Variants in LPIN2 observed in about 807,000 individuals in gnomAD.
LPIN2 encodes lipin 2.
Under a neutral mutation model 111.4 loss-of-function variants are expected in LPIN2, and 55 were observed. The observed-to-expected ratio is 0.49, with a 90% CI of 0.40 to 0.62. LPIN2 has a LOEUF of 0.62. LPIN2 is among the 20% of genes least tolerant of loss of function. LPIN2 has a pLI of 0.00. For synonymous variants in LPIN2, 425 were observed against 414.0 expected, an observed-to-expected ratio of 1.03 and a Z score of -0.32; for missense variants, 992 against 1,112.1, an observed-to-expected ratio of 0.89 and a Z score of 1.54.
chr18:3,011,986 A>G (rs1354876043), intron 1 of LPIN2: 1 of 152,282 alleles, frequency 6.6e-6, no homozygotes, highest in Non-Finnish European at 1.5e-5. Context: ...CCAGACCGTT[A>G]AAACATAAAC....
intron 3 of LPIN2, 86 bp from the exon 4 acceptor site, chr18:2,951,442 AC>A: frequency 9.1e-7 from 1 of 1,104,194 alleles, no homozygotes; most frequent in Non-Finnish European, 1.2e-6. Context: ...ATAAATTTTC[AC>A]CATGGTAAAA....
intron 1 of LPIN2, among the ~76,000 whole-genome samples, chr18:2,992,245 A>C (rs1039472839): frequency 1.3e-5 from 2 of 152,242 alleles, no homozygotes; most frequent in Non-Finnish European, 2.9e-5. Context: ...CATGAAAACA[A>C]GTGAAGTTCT....
At chr18:2,945,975 C>T (rs967419191) in intron 4 of LPIN2, 12 of 1,403,662 alleles carry the variant, frequency 8.5e-6, no homozygotes, top group African/African-American at 1.4e-5. Context: ...TCCAGTATTT[C>T]GTCCCCTCAT....
At chr18:2,942,163 G>C (rs1320561912) in intron 4 of LPIN2, among the ~76,000 whole-genome samples, 1 of 152,144 alleles carries the variant, frequency 6.6e-6, no homozygotes, top group Non-Finnish European at 1.5e-5. Context: ...ACATGTAATA[G>C]TTTTTCCACA....
intron 1 of LPIN2, among the ~76,000 whole-genome samples, chr18:2,963,307 TA>T (rs2077741688): frequency 6.6e-6 from 1 of 152,124 alleles, no homozygotes; most frequent in South Asian, 2.1e-4. Flanking sequence ...AGGGATATGT[TA>T]AACAGCCTGC....
chr18:2,929,144 G>A lies in LPIN2; in HGVS notation c.1471C>T (p.His491Tyr). Residue 491 changes from histidine to tyrosine, a missense_variant, in exon 10 of 20, where the codon CAT becomes TAT. Physicochemically the swap from His to Tyr is moderately conservative, Grantham distance 83 (BLOSUM62 2). Around this residue, in one of 4 missense-constraint regions of LPIN2, gnomAD observed 709 missense variants for 753.2 expected, o/e 0.94. Coordinates refer to ENST00000677752, the MANE Select transcript of LPIN2 (RefSeq NM_001375808.2). ...GEISKEKFME[H>Y]IITYHEFAEN... ...GCAAATTCGTGATAAGTAATGATAT[G>A]CTCCATGAATTTTTCTGCAATGTAA... 2 of 1,601,780 alleles carry A rather than the reference G, an allele frequency of 1.2e-6. No individual in the cohort carries two copies. Among genetic ancestry groups the A allele is most frequent in the Non-Finnish European group, 1.7e-6 (2 of 1,169,118 alleles).
intron 1 of LPIN2, among the ~76,000 whole-genome samples, chr18:2,986,547 T>TGGG (rs10692682): frequency 1.5e-5 from 2 of 135,044 alleles, no homozygotes; most frequent in Non-Finnish European, 3.1e-5. Flanking sequence ...TTTTTTAATG[T>TGGG]AAAAAAAAAA....
intron 1 of LPIN2, among the ~76,000 whole-genome samples, chr18:2,983,741 A>G (rs1307972538): frequency 6.6e-6 from 1 of 152,230 alleles, no homozygotes; most frequent in Admixed American, 6.5e-5. Flanking sequence ...ACATGTTTAA[A>G]GGATATTTTG....
chr18:2,991,292 T>C (rs959242652), intron 1 of LPIN2, among the ~76,000 whole-genome samples: 4 of 152,126 alleles, frequency 2.6e-5, no homozygotes, highest in African/African-American at 9.7e-5. Context: ...GAAAATAAAA[T>C]TGTCAACTTT....
chr18:2,983,161 T>C (rs944122745), intron 1 of LPIN2, among the ~76,000 whole-genome samples: 3 of 152,156 alleles, frequency 2.0e-5, no homozygotes, highest in Non-Finnish European at 2.9e-5. Flanking sequence ...ACTACACATA[T>C]GGAGAGTGAT....
At chr18:2,952,373 G>A (rs556335589) in intron 3 of LPIN2, among the ~76,000 whole-genome samples, 20 of 152,256 alleles carry the variant, frequency 1.3e-4, no homozygotes, top group African/African-American at 3.9e-4. Flanking sequence ...GTAGTGAGCC[G>A]AGATCATGCC....
At position 3,010,145 on chromosome 18, in the gene LPIN2, A is replaced by G. The variant is rs532432235; in HGVS notation, c.-10+2942T>C. On this transcript the variant is annotated intron_variant, in intron 1 of 19. Transcript: ENST00000677752. ...GGACCCCAGGGTGAGCAACTCCCTCACGCTTGTCTTGAAACACACATGTAA... is the reference window on the plus strand; with the variant it reads ...GGACCCCAGGGTGAGCAACTCCCTCGCGCTTGTCTTGAAACACACATGTAA... 9.8e-5 allele frequency among the ~76,000 whole-genome samples: 15 copies of G among 152,320 alleles called. No homozygotes were observed. In the South Asian group the frequency reaches 3.1e-3, roughly 32 times the overall value.
chr18:2,974,699 T>C (rs2077980758), intron 1 of LPIN2, among the ~76,000 whole-genome samples: 2 of 152,200 alleles, frequency 1.3e-5, no homozygotes, highest in African/African-American at 4.8e-5. Flanking sequence ...CCCCTTCCAA[T>C]TGCCATTTTA....
intron 1 of LPIN2, among the ~76,000 whole-genome samples, chr18:3,006,697 C>T (rs1336760766): frequency 2.0e-5 from 3 of 152,122 alleles, no homozygotes; most frequent in Admixed American, 6.6e-5. Context: ...ATTAGCCAGG[C>T]GTGGTGGCGG....
At chr18:2,974,641 T>G (rs1423869766) in intron 1 of LPIN2, among the ~76,000 whole-genome samples, 2 of 152,188 alleles carry the variant, frequency 1.3e-5, no homozygotes, top group African/African-American at 2.4e-5. Context: ...TTCCTAATGT[T>G]AGTTACAGGG....
Position 2,943,458 on chromosome 18 carries a change from G to T in LPIN2, c.591-2746C>A, listed in dbSNP as rs564884473. On this transcript the variant is annotated intron_variant, in intron 4 of 19. Coordinates refer to ENST00000677752, the MANE Select transcript of LPIN2 (RefSeq NM_001375808.2). ...TGTGTGTGTGTGTGTGTGTGTGTGT[G>T]TATAAATCAATGTTTTGATCAATGT... is the stretch of plus-strand genomic sequence containing the variant. 2.5e-3 allele frequency among the ~76,000 whole-genome samples: 362 copies of T among 146,294 alleles called. 2 individuals carry two copies. The highest frequency in any genetic ancestry group is 5.5e-3 in the East Asian group (28 of 5,118).
rs142359459 is a variant in LPIN2, at chr18:2,966,727, T to C, written c.-9-5878A>G. ...GATTACAGGGAATCCAAAGAAGCCA[T>C]ACTTACCCTCCAAGTCTCCTCACAC... On this transcript the variant is annotated intron_variant, in intron 1 of 19. Transcript: ENST00000677752. 6.6e-3 allele frequency among the ~76,000 whole-genome samples: 998 copies of C among 152,280 alleles called. 14 individuals are homozygous for C. Among genetic ancestry groups the C allele is most frequent in the African/African-American group, 0.022 (932 of 41,552 alleles).
At chr18:2,926,234 C>A (rs2077128344) in intron 13 of LPIN2, among the ~76,000 whole-genome samples, 1 of 152,180 alleles carries the variant, frequency 6.6e-6, no homozygotes, top group African/African-American at 2.4e-5. Flanking sequence ...AATGAGACAG[C>A]CAAGGGCTGG....
chr18:3,007,118 T>C (rs868600505), intron 1 of LPIN2, among the ~76,000 whole-genome samples: 17 of 152,216 alleles, frequency 1.1e-4, no homozygotes, highest in Non-Finnish European at 1.5e-4. Context: ...CATATGTAAA[T>C]TGACATTACA....
Sources: gnomAD v4.1 joint callset for allele counts (sites outside exome capture counted in the v4.1 genomes callset) on GRCh38, gnomAD v4.1.1 for gene constraint, gnomAD v4.1.1 regional missense constraint, MANE v1.5 for transcripts, NCBI Gene and HGNC (gene_info 2026-07-23, HGNC 2026-07-21) for gene names.